CELF5: variants seen among roughly 807,000 people sequenced by gnomAD.
The protein encoded by CELF5 is CUGBP Elav-like family member 5.
In CELF5, 6 loss-of-function variants were observed where a neutral mutation model predicts 54.9. The observed-to-expected ratio is 0.11, with a 90% CI of 0.06 to 0.22. The LOEUF is 0.22. Among genes scored for constraint, CELF5 ranks in the 10% least tolerant of loss-of-function variants. The pLI is 1.00. For synonymous variants in CELF5, 271 were observed against 290.9 expected (o/e 0.93, Z 0.70); for missense variants, 401 against 678.6 (o/e 0.59, Z 4.54).
intron 10 of CELF5, among the ~76,000 whole-genome samples, chr19:3,287,747 T>C (rs754378230): frequency 1.6e-5 from 2 of 127,988 alleles, no homozygotes; most frequent in Non-Finnish European, 3.6e-5. Context: ...AGGGAGACCC[T>C]GTCTCAAAAC....
intron 2 of CELF5, among the ~76,000 whole-genome samples, chr19:3,259,557 C>T (rs1333538703): frequency 6.6e-6 from 1 of 152,102 alleles, no homozygotes; most frequent in Non-Finnish European, 1.5e-5. Context: ...ACCAGGAGGA[C>T]CCCAGCTCCT....
At chr19:3,264,438 C>T (rs1317606563) in intron 2 of CELF5, among the ~76,000 whole-genome samples, 17 of 149,212 alleles carry the variant, frequency 1.1e-4, no homozygotes, top group African/African-American at 2.2e-4. Context: ...TTTTAAGAGA[C>T]GGAGTCTTGC....
In CELF5 at chr19:3,276,000, C is replaced by T. The variant is rs771928921; in HGVS notation, c.523+16C>T. The T allele has an allele frequency of 3.7e-6, 3 of 811,398 alleles. No homozygotes were observed. The highest frequency in any genetic ancestry group is 5.7e-5 in the South Asian group (2 of 35,282). The allele number at this position is 811,398 out of a possible 1,614,324, so 50.3% of individuals were successfully genotyped here. ...AGCAGCAAAGGTGACTGGCGGGGGC[C>T]GGGGCGGGACTGCGAGAGGGGCCGG... is the stretch of plus-strand genomic sequence containing the variant. On this transcript the variant is annotated intron_variant, in intron 4 of 12. Transcript: ENST00000292672. This position sits in a 1 kb window ranked among gnomAD's most constrained non-coding sequence, Gnocchi z 6.7.
At position 3,281,097 on chromosome 19, in the gene CELF5, C is replaced by G; in HGVS notation, c.604-102C>G. The G allele has an allele frequency of 2.2e-6, 3 of 1,382,856 alleles. No individual in the cohort carries two copies. In the South Asian group the frequency reaches 3.8e-5, roughly 18 times the overall value. 85.7% of individuals were successfully genotyped at this position (1,382,856 alleles called of 1,614,324 possible). A position where few individuals can be genotyped will look rare whatever the true frequency, so the allele number is the denominator to read the frequency against. On this transcript the variant is annotated intron_variant, in intron 5 of 12. Transcript: ENST00000292672. The surrounding 1 kb of genome is among the most constrained non-coding windows in gnomAD (Gnocchi z 6.5). ...ACATGGCTGACAGCCACTGGCATTA[C>G]ACCCCTCACCCAGGAGGCCTGAGCT...
chr19:3,248,922 C>CTTTCTTTCT (rs1555719750), intron 1 of CELF5, among the ~76,000 whole-genome samples: 29 of 119,200 alleles, frequency 2.4e-4, no homozygotes, highest in African/African-American at 4.0e-4. Context: ...TTCTTTCTTT[C>CTTTCTTTCT]TTTCTTTTCT....
Position 3,268,563 on chromosome 19 carries a change from G to A in CELF5, c.343-5309G>A, listed in dbSNP as rs1301921007. On this transcript the variant is annotated intron_variant, in intron 2 of 12. Coordinates refer to ENST00000292672, the MANE Select transcript of CELF5 (RefSeq NM_021938.4). The surrounding 1 kb of genome is among the most constrained non-coding windows in gnomAD (Gnocchi z 4.4). ...AGGCACTGTGCCCGGCATGCTCTTG[G>A]CTGATGGGGATGGAGCCTGGGTTTT... 6.6e-6 allele frequency among the ~76,000 whole-genome samples: 1 copy of A among 152,134 alleles called. No individual in the cohort carries two copies. The highest frequency in any genetic ancestry group is 2.4e-5 in the African/African-American group (1 of 41,422).
In CELF5 at chr19:3,281,967, C is replaced by T. The variant is rs2080159271; in HGVS notation, c.751-159C>T. Among the ~76,000 whole-genome samples the T allele has an allele frequency of 6.6e-6, 1 of 152,138 alleles. No individual in the cohort carries two copies. Among genetic ancestry groups the T allele is most frequent in the South Asian group, 2.1e-4 (1 of 4,832 alleles). On this transcript the variant is annotated intron_variant, in intron 6 of 12. Transcript: ENST00000292672. This position sits in a 1 kb window ranked among gnomAD's most constrained non-coding sequence, Gnocchi z 6.5. Reference sequence around the variant, plus strand: ...TTCCGAACCGATCTCTGCTCCCAGGCTGAGCCTTGATCCCAGTCTGAGCTC... The same window carrying T: ...TTCCGAACCGATCTCTGCTCCCAGGTTGAGCCTTGATCCCAGTCTGAGCTC...
intron 2 of CELF5, among the ~76,000 whole-genome samples, chr19:3,269,076 GA>G (rs913361857): frequency 6.6e-6 from 1 of 152,126 alleles, no homozygotes; most frequent in Non-Finnish European, 1.5e-5. Flanking sequence ...GCCTAGGTGG[GA>G]GGGGAGGAAG....
At chr19:3,237,191 A>C (rs1568331090) in intron 1 of CELF5, among the ~76,000 whole-genome samples, 1 of 150,308 alleles carries the variant, frequency 6.7e-6, no homozygotes, top group Non-Finnish European at 1.5e-5. Context: ...AGGAACCTGT[A>C]GTCCCAGCTA....
intron 9 of CELF5, 106 bp downstream of exon 9, chr19:3,285,070 G>A (rs1205869378): frequency 2.3e-6 from 2 of 856,410 alleles, no homozygotes; most frequent in East Asian, 2.7e-5. Flanking sequence ...GCCTAGCCGC[G>A]CCTCCTACCT....
chr19:3,255,975 G>A (rs2079719029), intron 2 of CELF5, among the ~76,000 whole-genome samples: 2 of 151,358 alleles, frequency 1.3e-5, no homozygotes, highest in Non-Finnish European at 2.9e-5. Flanking sequence ...TGAGGCAGGA[G>A]AATCACTTGA....
At chr19:3,287,617 G>A (rs1025769095) in intron 10 of CELF5, among the ~76,000 whole-genome samples, 23 of 151,514 alleles carry the variant, frequency 1.5e-4, no homozygotes, top group Non-Finnish European at 1.0e-4. Flanking sequence ...GGCTGGGTGC[G>A]GTGGCTCACG....
intron 1 of CELF5, among the ~76,000 whole-genome samples, chr19:3,247,940 T>G (rs2079590856): frequency 6.6e-6 from 1 of 151,782 alleles, no homozygotes; most frequent in African/African-American, 2.4e-5. Context: ...TTTTTTTGTA[T>G]TTTTAGTAAA....
intron 12 of CELF5, chr19:3,293,735 G>C (rs2080390622): frequency 2.8e-6 from 1 of 355,660 alleles, no homozygotes; most frequent in African/African-American, 2.1e-5. Context: ...AGTGAGGTCG[G>C]TTAGGGAATC....
intron 1 of CELF5, among the ~76,000 whole-genome samples, chr19:3,247,025 G>C (rs1229547723): frequency 6.6e-6 from 1 of 152,204 alleles, no homozygotes; most frequent in Non-Finnish European, 1.5e-5. Flanking sequence ...GGACACCATC[G>C]TGAAGGCATA....
chr19:3,277,282 T>G lies in CELF5; in HGVS notation c.524-749T>G, dbSNP rs2080071464. 2.0e-5 allele frequency among the ~76,000 whole-genome samples: 3 copies of G among 151,786 alleles called. No homozygotes were observed. The South Asian group carries it at 6.2e-4, about 32-fold the overall frequency. ...CGAGATCAGGAGTTCAAGACCAGCCTGGCCAAGATGGTGAAACCCGTCTCT... is the reference window on the plus strand; with the variant it reads ...CGAGATCAGGAGTTCAAGACCAGCCGGGCCAAGATGGTGAAACCCGTCTCT... On this transcript the variant is annotated intron_variant, in intron 4 of 12. Coordinates refer to ENST00000292672, the MANE Select transcript of CELF5 (RefSeq NM_021938.4).
At chr19:3,267,423 G>A (rs1053305117) in intron 2 of CELF5, among the ~76,000 whole-genome samples, 4 of 152,218 alleles carry the variant, frequency 2.6e-5, no homozygotes, top group Non-Finnish European at 5.9e-5. Flanking sequence ...TGGACCGTGG[G>A]ACCCTGGAAT....
intron 1 of CELF5, among the ~76,000 whole-genome samples, chr19:3,232,362 C>G (rs1361124584): frequency 6.6e-6 from 1 of 151,748 alleles, no homozygotes; most frequent in African/African-American, 2.4e-5. Context: ...CAAGACCAGC[C>G]TGAGCAACAC....
At chr19:3,284,128 G>C (rs9807895) in intron 8 of CELF5, among the ~76,000 whole-genome samples, 82,444 of 151,446 alleles carry the variant, frequency 0.54, 23,723 homozygotes, top group Middle Eastern at 0.69. Context: ...GATCACAAGT[G>C]TGAGCCACCA....
Sources: gnomAD v4.1 joint callset for allele counts (sites outside exome capture counted in the v4.1 genomes callset) on GRCh38, gnomAD v4.1.1 for gene constraint, Gnocchi (gnomAD v3.1) non-coding constraint, MANE v1.5 for transcripts, NCBI Gene and HGNC (gene_info 2026-07-23, HGNC 2026-07-21) for gene names.